MCPH1: variants seen among roughly 807,000 people sequenced by gnomAD.
The protein encoded by MCPH1 is microcephalin 1.
MCPH1 carries 104 observed loss-of-function variants against 84.5 expected under a neutral mutation model. The ratio of observed to expected loss-of-function variants is 1.23; its 90% confidence interval spans 1.05 to 1.45. The LOEUF is 1.45. Ranked by LOEUF, MCPH1 falls within the 40% of genes most tolerant of loss-of-function variation. The pLI is 0.00. For synonymous variants in MCPH1, 514 were observed against 366.8 expected (o/e 1.40, Z -4.58); for missense variants, 1,498 against 1,005.7 (o/e 1.49, Z -6.62).
At chr8:6,418,068 G>C (rs751946393) in intron 3 of MCPH1, among the ~76,000 whole-genome samples, 14 of 152,194 alleles carry the variant, frequency 9.2e-5, no homozygotes, top group Non-Finnish European at 1.5e-4. Flanking sequence ...ATGTTGTTCA[G>C]GGGTCAGCCA....
chr8:6,472,585 G>A (rs1027776046), intron 9 of MCPH1, among the ~76,000 whole-genome samples: 2 of 151,980 alleles, frequency 1.3e-5, no homozygotes, highest in Admixed American at 6.6e-5. Context: ...TCCTGCCCCA[G>A]CCTCCCAAGT....
At position 6,642,884 on chromosome 8, in the gene MCPH1, C is replaced by G. The variant is rs555983488; in HGVS notation, c.2453-110C>G. The G allele has an allele frequency of 1.3e-4, 128 of 1,020,490 alleles. No homozygotes were observed. In the East Asian group the frequency reaches 3.1e-3, roughly 25 times the overall value. The allele number at this position is 1,020,490 out of a possible 1,614,324, so 63.2% of individuals were successfully genotyped here. On this transcript the variant is annotated intron_variant, in intron 13 of 13. Transcript: ENST00000344683. ...GTGGGGGGGCCTATGGACAACACAG[C>G]TCTTGGCTATTTGTTTTTAAATATA...
chr8:6,430,047 G>A (rs1210716849), intron 3 of MCPH1, among the ~76,000 whole-genome samples: 2 of 152,186 alleles, frequency 1.3e-5, no homozygotes, highest in Non-Finnish European at 2.9e-5. Context: ...CACTGTGCTT[G>A]AGTCTATGCT....
In MCPH1 at chr8:6,446,607, T is replaced by C. The variant is rs1028973587; in HGVS notation, c.1825+1060T>C. On this transcript the variant is annotated intron_variant, in intron 8 of 13. Coordinates refer to ENST00000344683, the MANE Select transcript of MCPH1 (RefSeq NM_024596.5). ...AGCCTTAGTATGTGTTTTCAAAATA[T>C]TTATTTTAAAATGTTGACTCAAAAG... is the stretch of plus-strand genomic sequence containing the variant. The C allele has an allele frequency of 9.6e-5, 94 of 978,224 alleles. No individual in the cohort carries two copies. In the African/African-American group the frequency reaches 1.6e-3, roughly 16 times the overall value. The allele number at this position is 978,224 out of a possible 1,614,324, so 60.6% of individuals were successfully genotyped here.
At chr8:6,596,302 G>C (rs1379106675) in intron 12 of MCPH1, among the ~76,000 whole-genome samples, 3 of 152,200 alleles carry the variant, frequency 2.0e-5, no homozygotes, top group African/African-American at 7.2e-5. Context: ...GGTGCAGTGA[G>C]CTCTGGCGTT....
rs114294371 is a variant in MCPH1 at position 6,484,720 on chromosome 8, G to T, written c.2136+3844G>T. On this transcript the variant is annotated intron_variant, in intron 11 of 13. Coordinates refer to ENST00000344683, the MANE Select transcript of MCPH1 (RefSeq NM_024596.5). ...GGAATGGTGATAGGTACAGCAGCTT[G>T]CATGACTCTCAGGGGCATCATGCCA... is the stretch of plus-strand genomic sequence containing the variant. Among the ~76,000 whole-genome samples, 530 of 152,356 alleles carry T rather than the reference G, an allele frequency of 3.5e-3. 2 individuals are homozygous for T. The highest frequency in any genetic ancestry group is 0.012 in the African/African-American group (482 of 41,588).
intron 12 of MCPH1, among the ~76,000 whole-genome samples, chr8:6,553,665 AT>A (rs752171739): frequency 0.14 from 19,648 of 142,478 alleles, 3,258 homozygotes; most frequent in African/African-American, 0.41. Flanking sequence ...TGGTCTCAAA[AT>A]TTTTTTTTTT....
chr8:6,544,891 A>AGATTCT lies in MCPH1; in HGVS notation c.2214+44963_2214+44968dup, dbSNP rs143027622. ...ATTTCAGATTGAACCTGCTAACATC[A>AGATTCT]GATTCTTTGGTCAGTAGTCTCACTA... On this transcript the variant is annotated intron_variant, in intron 12 of 13. Transcript: ENST00000344683. Among the ~76,000 whole-genome samples the AGATTCT allele has an allele frequency of 8.4e-3, 1,281 of 152,330 alleles. 18 individuals are homozygous for AGATTCT. Among genetic ancestry groups the AGATTCT allele is most frequent in the African/African-American group, 0.029 (1,195 of 41,584 alleles).
At chr8:6,519,531 A>G (rs1816902459) in intron 12 of MCPH1, among the ~76,000 whole-genome samples, 1 of 152,188 alleles carries the variant, frequency 6.6e-6, no homozygotes, top group African/African-American at 2.4e-5. Flanking sequence ...TTTTTGGAAG[A>G]TACTTTCTTT....
chr8:6,455,633 C>G (rs1805591826), intron 9 of MCPH1, among the ~76,000 whole-genome samples: 1 of 152,136 alleles, frequency 6.6e-6, no homozygotes, highest in Admixed American at 6.5e-5. Context: ...AAGTCTTGAC[C>G]TCAAGCCATC....
intron 3 of MCPH1, among the ~76,000 whole-genome samples, chr8:6,421,506 A>T (rs577371252): frequency 1.3e-5 from 2 of 150,372 alleles, no homozygotes; most frequent in African/African-American, 4.9e-5. Context: ...CATACTGTTT[A>T]TTTTTTTTTA....
intron 11 of MCPH1, among the ~76,000 whole-genome samples, chr8:6,486,545 G>T (rs528404345): frequency 2.0e-4 from 31 of 152,230 alleles, no homozygotes; most frequent in African/African-American, 7.2e-4. Flanking sequence ...AAACTGTGGC[G>T]ATTTTATAAC....
intron 13 of MCPH1, among the ~76,000 whole-genome samples, chr8:6,631,655 A>T (rs1221488933): frequency 5.4e-5 from 6 of 110,194 alleles, no homozygotes; most frequent in Non-Finnish European, 1.1e-4. Context: ...TTGCTACTAT[A>T]AAAAAAAAAA....
Position 6,444,630 on chromosome 8 carries a change from A to G in MCPH1, c.908A>G (p.Gln303Arg). Residue 303 changes from glutamine (Q) to arginine (R), a missense_variant, in exon 8 of 14, where the codon CAA becomes CGA. Physicochemically the swap from Gln to Arg is conservative, Grantham distance 43. Coordinates refer to ENST00000344683, the MANE Select transcript of MCPH1 (RefSeq NM_024596.5). The part of the protein sequence containing the change: ...SNLSKEEINL[Q>R]RNIAGKVVTP... Reference sequence around the variant, plus strand: ...CTTTCAAAGGAAGAAATAAACTTGCAAAGAAATATTGCAGGTAAAGTAGTC... The same window carrying G: ...CTTTCAAAGGAAGAAATAAACTTGCGAAGAAATATTGCAGGTAAAGTAGTC... 1 of 1,613,992 alleles carries G rather than the reference A, an allele frequency of 6.2e-7. No individual in the cohort carries two copies. The highest frequency in any genetic ancestry group is 8.5e-7 in the Non-Finnish European group (1 of 1,180,044).
At chr8:6,622,059 C>T (rs1020192411) in intron 13 of MCPH1, 2 of 366,374 alleles carry the variant, frequency 5.5e-6, no homozygotes, top group Non-Finnish European at 1.1e-5. Context: ...CTTCAGGAGT[C>T]CCTGGCAGCG....
intron 12 of MCPH1, chr8:6,500,740 A>C (rs1190556728): frequency 2.0e-5 from 3 of 152,250 alleles, no homozygotes; most frequent in Non-Finnish European, 4.4e-5. Context: ...TCCTCTCAGC[A>C]AAACTGTTTG....
intron 9 of MCPH1, among the ~76,000 whole-genome samples, chr8:6,464,044 C>G (rs771318234): frequency 6.6e-6 from 1 of 152,156 alleles, no homozygotes; most frequent in Non-Finnish European, 1.5e-5. Flanking sequence ...GGGGAATTGC[C>G]ACACTTCCTC....
chr8:6,424,514 C>G (rs139433215), intron 3 of MCPH1, among the ~76,000 whole-genome samples: 1 of 152,212 alleles, frequency 6.6e-6, no homozygotes, highest in Non-Finnish European at 1.5e-5. Context: ...GCTCCACTTC[C>G]CGCCTCCTCA....
intron 12 of MCPH1, among the ~76,000 whole-genome samples, chr8:6,515,318 G>A (rs1026854562): frequency 2.0e-5 from 3 of 152,238 alleles, no homozygotes; most frequent in Admixed American, 2.0e-4. Flanking sequence ...CTTCCTTTAT[G>A]TGCAATACTA....
Sources: allele counts gnomAD v4.1 joint callset (sites outside exome capture counted in the v4.1 genomes callset), GRCh38; gene constraint gnomAD v4.1.1; transcripts MANE v1.5; gene names NCBI Gene and HGNC (gene_info 2026-07-23, HGNC 2026-07-21).